Variants in MYEF2 observed in about 807,000 individuals in gnomAD.
MYEF2 encodes myelin gene expression factor 2.
A neutral mutation model predicts 75.2 loss-of-function variants in MYEF2; 37 were observed. The observed-to-expected ratio is 0.49, with a 90% CI of 0.38 to 0.65. MYEF2 has a LOEUF of 0.65. Among genes scored for constraint, MYEF2 ranks in the 30% least tolerant of loss-of-function variants. The pLI is 0.00. For missense variants in MYEF2, 634 were observed against 771.4 expected (o/e 0.82, Z 2.11); for synonymous variants, 195 against 241.6 (o/e 0.81, Z 1.79).
At chr15:48,176,155 T>C (rs1350964095) in intron 1 of MYEF2, among the ~76,000 whole-genome samples, 1 of 149,880 alleles carries the variant, frequency 6.7e-6, no homozygotes, top group Non-Finnish European at 1.5e-5. Flanking sequence ...TTATTAAAAG[T>C]ATATGGTAAT....
chr15:48,158,313 T>A, intron 7 of MYEF2, 89 bp from the exon 8 acceptor site: 1 of 1,219,278 alleles, frequency 8.2e-7, no homozygotes, highest in Non-Finnish European at 1.2e-6. Flanking sequence ...AGAGTCCAAC[T>A]CTCTGATATT....
In MYEF2 at chr15:48,136,996, A is replaced by G. The variant is rs745889196; in HGVS notation, c.*5912T>C. On this transcript the variant is annotated 3_prime_UTR_variant, in exon 17 of 17. Coordinates refer to ENST00000324324, the MANE Select transcript of MYEF2 (RefSeq NM_016132.5). ...CTAAATCTTGCCCATTATTAAGTCT[A>G]TTCGCAAAGGAAAAACTTTAAAATT... The G allele has an allele frequency of 3.6e-5, 56 of 1,560,872 alleles. No individual in the cohort carries two copies. In the South Asian group the frequency reaches 5.0e-4, roughly 14 times the overall value.
intron 16 of MYEF2, among the ~76,000 whole-genome samples, chr15:48,147,393 C>T (rs999615430): frequency 6.6e-6 from 1 of 151,884 alleles, no homozygotes; most frequent in African/African-American, 2.4e-5. Context: ...CTTTATCTTG[C>T]TAAGTTTCAT....
At chr15:48,154,952 G>A (rs59318801) in intron 9 of MYEF2, among the ~76,000 whole-genome samples, 7 of 151,970 alleles carry the variant, frequency 4.6e-5, no homozygotes, top group Non-Finnish European at 7.4e-5. Flanking sequence ...TTACATAAAA[G>A]AATAATTATA....
Position 48,134,761 on chromosome 15 carries a change from C to T in MYEF2, c.*8147G>A. On this transcript the variant is annotated 3_prime_UTR_variant, in exon 17 of 17. Transcript: ENST00000324324. ...AGAACACAATTTTACATTTTTTTCT[C>T]TAAGCAATATGCAAAAGATAACAAT... 1 of 843,492 alleles carries T rather than the reference C, an allele frequency of 1.2e-6. No individual in the cohort carries two copies. The highest frequency in any genetic ancestry group is 1.8e-6 in the Non-Finnish European group (1 of 551,558). The allele number at this position is 843,492 out of a possible 1,614,324, so 52.3% of individuals were successfully genotyped here. A position where few individuals can be genotyped will look rare whatever the true frequency, so the allele number is the denominator to read the frequency against.
chr15:48,135,335 C>T lies in MYEF2; in HGVS notation c.*7573G>A, dbSNP rs764387259. 10 of 182,996 alleles carry T rather than the reference C, an allele frequency of 5.5e-5. No homozygotes were observed. The highest frequency in any genetic ancestry group is 1.2e-4 in the Non-Finnish European group (10 of 86,110). The allele number at this position is 182,996 out of a possible 1,614,324, so 11.3% of individuals were successfully genotyped here. Reference sequence around the variant, plus strand: ...TCTGCTGGGTTACTGCTCACCTTGCCTTGGTTAGAAGTGTTCATGGCCACA... The same window carrying T: ...TCTGCTGGGTTACTGCTCACCTTGCTTTGGTTAGAAGTGTTCATGGCCACA... On this transcript the variant is annotated 3_prime_UTR_variant, in exon 17 of 17. Transcript: ENST00000324324.
In MYEF2 at chr15:48,140,303, C is replaced by A. The variant is rs567723224; in HGVS notation, c.*2605G>T. On this transcript the variant is annotated 3_prime_UTR_variant, in exon 17 of 17. Transcript: ENST00000324324. ...CAGTAACAGAAATTAACAACCAATTCCAATTCCAATATCAATGTATAAGCA... is the reference window on the plus strand; with the variant it reads ...CAGTAACAGAAATTAACAACCAATTACAATTCCAATATCAATGTATAAGCA... The A allele has an allele frequency of 2.0e-5, 3 of 151,964 alleles. No individual in the cohort carries two copies. The South Asian group carries it at 6.2e-4, about 32-fold the overall frequency. The allele number at this position is 151,964 out of a possible 1,614,324, so 9.4% of individuals were successfully genotyped here.
At chr15:48,169,506 A>C (rs916784615) in intron 1 of MYEF2, among the ~76,000 whole-genome samples, 2 of 152,204 alleles carry the variant, frequency 1.3e-5, no homozygotes, top group African/African-American at 2.4e-5. Context: ...GTACTTCATC[A>C]AATTATGCAG....
At chr15:48,177,969 C>T (rs1393351233) in intron 1 of MYEF2, 108 bp downstream of exon 1, 1 of 1,406,254 alleles carries the variant, frequency 7.1e-7, no homozygotes, top group African/African-American at 1.5e-5. Context: ...GGGGGCGGGC[C>T]GGGGTCTGGG....
chr15:48,142,912 G>A lies in MYEF2; in HGVS notation c.1799C>T (p.Ala600Val). Residue 600 changes from alanine to valine, a missense_variant, in exon 17 of 17, where the codon GCA (alanine) becomes GTA (valine). Ala to Val is a moderately conservative substitution (Grantham distance 64). Coordinates refer to ENST00000324324, the MANE Select transcript of MYEF2 (RefSeq NM_016132.5). Reference protein sequence around the residue: ...REIDVRLDRNA With the variant: ...REIDVRLDRNV ...TGTTCCAACCATGGCTTGAAATTAT[G>A]CATTACGATCCAAGCGAACATCAAT... 6.3e-7 allele frequency: 1 copy of A among 1,588,754 alleles called. No individual in the cohort carries two copies. Among genetic ancestry groups the A allele is most frequent in the Non-Finnish European group, 8.6e-7 (1 of 1,169,462 alleles).
intron 2 of MYEF2, among the ~76,000 whole-genome samples, chr15:48,168,425 C>A (rs1274913976): frequency 6.6e-6 from 1 of 151,980 alleles, no homozygotes; most frequent in African/African-American, 2.4e-5. Context: ...TACTATCCCA[C>A]TAAAATGGCA....
rs1170668482 is a variant in MYEF2, at chr15:48,140,953, A to C, written c.*1955T>G. Reference sequence around the variant, plus strand: ...TACCCGAATTACCAGCCTGATTCAAATATGTTGCTAGCTAAAAAACTAATA... The same window carrying C: ...TACCCGAATTACCAGCCTGATTCAACTATGTTGCTAGCTAAAAAACTAATA... On this transcript the variant is annotated 3_prime_UTR_variant, in exon 17 of 17. Coordinates refer to ENST00000324324, the MANE Select transcript of MYEF2 (RefSeq NM_016132.5). 1 of 529,728 alleles carries C rather than the reference A, an allele frequency of 1.9e-6. No homozygotes were observed. 32.8% of individuals were successfully genotyped at this position (529,728 alleles called of 1,614,324 possible). A position where few individuals can be genotyped will look rare whatever the true frequency, so the allele number is the denominator to read the frequency against.
At position 48,155,957 on chromosome 15, in the gene MYEF2, T is replaced by C. The variant is rs373913819; in HGVS notation, c.985+2036A>G. On this transcript the variant is annotated intron_variant, in intron 9 of 16. Coordinates refer to ENST00000324324, the MANE Select transcript of MYEF2 (RefSeq NM_016132.5). ...GCCTGGCTACTTTTTTTTGTATTTT[T>C]AGTAGAGACGGGGTTTCACCATGTT... 2.6e-5 allele frequency among the ~76,000 whole-genome samples: 4 copies of C among 152,104 alleles called. No individual in the cohort carries two copies. In the East Asian group the frequency reaches 5.8e-4, roughly 22 times the overall value.
chr15:48,139,217 T>C lies in MYEF2; in HGVS notation c.*3691A>G. ...CAATAGCACAACTTGAAAATATTCA[T>C]ATAAGAACAAATTGCATATGTTCAC... On this transcript the variant is annotated 3_prime_UTR_variant, in exon 17 of 17. Transcript: ENST00000324324. 1 of 1,523,816 alleles carries C rather than the reference T, an allele frequency of 6.6e-7. No homozygotes were observed. The highest frequency in any genetic ancestry group is 9.0e-7 in the Non-Finnish European group (1 of 1,106,642). The allele number at this position is 1,523,816 out of a possible 1,614,324, so 94.4% of individuals were successfully genotyped here.
In MYEF2 at chr15:48,161,451, G is replaced by A. The variant is rs1428830922; in HGVS notation, c.526-1647C>T. On this transcript the variant is annotated intron_variant, in intron 5 of 16. Coordinates refer to ENST00000324324, the MANE Select transcript of MYEF2 (RefSeq NM_016132.5). ...CCCCTCTATAAATTAGATATCCCAG[G>A]AAAGGGACTGCCAAAGTGACATTAA... 2.0e-5 allele frequency among the ~76,000 whole-genome samples: 3 copies of A among 151,680 alleles called. No homozygotes were observed. The East Asian group carries it at 5.8e-4, about 29-fold the overall frequency.
chr15:48,153,510 AGAT>A (rs2039575074), intron 10 of MYEF2: 1 of 281,930 alleles, frequency 3.5e-6, no homozygotes, highest in East Asian at 7.0e-5. Flanking sequence ...TACTGTTCAT[AGAT>A]GATATATTCT....
intron 9 of MYEF2, among the ~76,000 whole-genome samples, chr15:48,155,962 G>A (rs2039681183): frequency 1.3e-5 from 2 of 152,006 alleles, no homozygotes; most frequent in South Asian, 2.1e-4. Context: ...ATTTTTAGTA[G>A]AGACGGGGTT....
chr15:48,138,950 T>A lies in MYEF2; in HGVS notation c.*3958A>T. On this transcript the variant is annotated 3_prime_UTR_variant, in exon 17 of 17. Coordinates refer to ENST00000324324, the MANE Select transcript of MYEF2 (RefSeq NM_016132.5). The stretch of plus-strand genomic sequence containing the variant: ...AGCCATTTGAGAAAACTCAAAAGTG[T>A]TTACTTTTTCCACAACAGATCCACC... The A allele has an allele frequency of 3.8e-6, 6 of 1,586,954 alleles. No individual in the cohort carries two copies. The highest frequency in any genetic ancestry group is 4.3e-6 in the Non-Finnish European group (5 of 1,164,182).
chr15:48,175,565 T>C (rs1432174619), intron 1 of MYEF2, among the ~76,000 whole-genome samples: 1 of 152,148 alleles, frequency 6.6e-6, no homozygotes, highest in Non-Finnish European at 1.5e-5. Flanking sequence ...ACCATCACAC[T>C]GTACACTTCA....
Sources: gnomAD v4.1 joint callset for allele counts (sites outside exome capture counted in the v4.1 genomes callset) on GRCh38, gnomAD v4.1.1 for gene constraint, MANE v1.5 for transcripts, NCBI Gene and HGNC (gene_info 2026-07-23, HGNC 2026-07-21) for gene names.